C12orf42: variants seen among roughly 807,000 people sequenced by gnomAD.
C12orf42 encodes chromosome 12 open reading frame 42.
Under a neutral mutation model 21.6 loss-of-function variants are expected in C12orf42, and 25 were observed. That is an observed-to-expected ratio of 1.16 (90% CI 0.84 to 1.62). The LOEUF (loss-of-function observed/expected upper bound fraction) is 1.62, where lower values mean the gene tolerates loss of function less well. Among genes scored for constraint, C12orf42 ranks in the 40% most tolerant of loss-of-function variants. The pLI is 0.00. For missense variants in C12orf42, 483 were observed against 459.3 expected (o/e 1.05, Z -0.47); for synonymous variants, 174 against 175.0 (o/e 0.99, Z 0.05).
chr12:103,468,829 C>CA (rs1451018009), intron 2 of C12orf42, among the ~76,000 whole-genome samples: 1 of 152,126 alleles, frequency 6.6e-6, no homozygotes, highest in Non-Finnish European at 1.5e-5. Flanking sequence ...GAGTTGGGAC[C>CA]AAAGAAACCC....
At chr12:103,437,926 T>C (rs1461709038) in intron 2 of C12orf42, among the ~76,000 whole-genome samples, 1 of 148,126 alleles carries the variant, frequency 6.8e-6, no homozygotes, top group African/African-American at 2.5e-5. Flanking sequence ...ATCATCCTGA[T>C]ACCAAAGCCT....
intron 5 of C12orf42, among the ~76,000 whole-genome samples, chr12:103,304,856 C>T (rs2038108606): frequency 6.6e-6 from 1 of 152,148 alleles, no homozygotes; most frequent in African/African-American, 2.4e-5. Context: ...CACTTCTAGC[C>T]CATGCAGTAC....
At chr12:103,354,104 CAAT>C (rs759341009) in intron 4 of C12orf42, among the ~76,000 whole-genome samples, 10 of 152,132 alleles carry the variant, frequency 6.6e-5, no homozygotes, top group Non-Finnish European at 1.2e-4. Context: ...GGAGAAGCAA[CAAT>C]GAGTCATCTG....
intron 4 of C12orf42, among the ~76,000 whole-genome samples, chr12:103,358,567 C>T (rs1379626872): frequency 6.6e-6 from 1 of 151,424 alleles, no homozygotes. Flanking sequence ...TTCTCCAACC[C>T]AGTAAATGGC....
chr12:103,105,688 T>TGAAAA, the C12orf42 span, among the ~76,000 whole-genome samples: 546 of 152,134 alleles, frequency 3.6e-3, 1 homozygote, highest in African/African-American at 0.012. Context: ...GACTGAAAAC[T>TGAAAA]CAGACAGTAG....
chr12:103,558,564 T>C, the C12orf42 span: 2 of 152,366 alleles, frequency 1.3e-5, no homozygotes, highest in South Asian at 2.1e-4. Flanking sequence ...TTTAATATCA[T>C]CTTTTCATGT....
the C12orf42 span, among the ~76,000 whole-genome samples, chr12:103,186,107 A>G: frequency 1.4e-4 from 22 of 152,296 alleles, no homozygotes; most frequent in South Asian, 4.6e-3. Context: ...ATACAAAAGA[A>G]GTTATTAATA....
At chr12:103,056,080 A>G in the C12orf42 span, among the ~76,000 whole-genome samples, 1 of 152,090 alleles carries the variant, frequency 6.6e-6, no homozygotes, top group Admixed American at 6.6e-5. Context: ...GAGTTCTTCT[A>G]TACACTTGCT....
the C12orf42 span, among the ~76,000 whole-genome samples, chr12:103,535,806 C>T: frequency 0.035 from 5,358 of 152,172 alleles, 131 homozygotes; most frequent in South Asian, 0.074. Context: ...TAGATGGGTT[C>T]TCACTTTGCT....
the C12orf42 span, among the ~76,000 whole-genome samples, chr12:103,217,966 A>AT: frequency 3.9e-3 from 594 of 152,060 alleles, 8 homozygotes; most frequent in African/African-American, 0.014. Context: ...TGCATATCTC[A>AT]TCATCCCTTT....
chr12:103,137,483 C>A, the C12orf42 span, among the ~76,000 whole-genome samples: 1 of 152,008 alleles, frequency 6.6e-6, no homozygotes, highest in Non-Finnish European at 1.5e-5. Flanking sequence ...AAAAATAGAA[C>A]TACCATACAA....
intron 3 of C12orf42, among the ~76,000 whole-genome samples, chr12:103,374,863 GTTCTGATAAAGATGA>G (rs2045561367): frequency 6.6e-6 from 1 of 152,170 alleles, no homozygotes; most frequent in Admixed American, 6.5e-5. Flanking sequence ...AAACTGACCA[GTTCTGATAAAGATGA>G]TTCTGATAAG....
chr12:103,331,166 G>A (rs1044372032), intron 4 of C12orf42, among the ~76,000 whole-genome samples: 2 of 152,250 alleles, frequency 1.3e-5, no homozygotes, highest in Admixed American at 6.5e-5. Context: ...GGTTAGCCTA[G>A]ACTACCTTAA....
chr12:103,167,236 T>C, the C12orf42 span, among the ~76,000 whole-genome samples: 1 of 152,172 alleles, frequency 6.6e-6, no homozygotes, highest in Non-Finnish European at 1.5e-5. Flanking sequence ...CAAGTCAGTA[T>C]CACCAAGGTC....
At chr12:103,120,257 A>T in the C12orf42 span, among the ~76,000 whole-genome samples, 2 of 152,188 alleles carry the variant, frequency 1.3e-5, no homozygotes, top group Non-Finnish European at 2.9e-5. Flanking sequence ...CCCATATAAG[A>T]CATAATAGAA....
chr12:103,544,146 G>A, the C12orf42 span, among the ~76,000 whole-genome samples: 4 of 152,078 alleles, frequency 2.6e-5, 1 homozygote, highest in South Asian at 8.3e-4. Context: ...GCCTCCCAAA[G>A]TGCTGGGATT....
At chr12:103,338,642 C>A (rs2041924050) in intron 4 of C12orf42, among the ~76,000 whole-genome samples, 1 of 152,142 alleles carries the variant, frequency 6.6e-6, no homozygotes, top group African/African-American at 2.4e-5. Context: ...TTATTTTTTC[C>A]CAACATATTC....
chr12:103,498,435 C>T (rs1326180652), upstream of C12orf42, among the ~76,000 whole-genome samples: 1 of 152,100 alleles, frequency 6.6e-6, no homozygotes, highest in East Asian at 1.9e-4. Context: ...AAAGATATGA[C>T]AGTATATGAA....
At chr12:103,271,980 A>G (rs1471584397) in intron 5 of C12orf42, among the ~76,000 whole-genome samples, 4 of 152,190 alleles carry the variant, frequency 2.6e-5, no homozygotes, top group Admixed American at 2.6e-4. Flanking sequence ...TGGACCCATC[A>G]TTTAAATCTT....
Sources: allele counts gnomAD v4.1 joint callset (sites outside exome capture counted in the v4.1 genomes callset), GRCh38; gene constraint gnomAD v4.1.1; transcripts MANE v1.5; gene names NCBI Gene and HGNC (gene_info 2026-07-23, HGNC 2026-07-21).